Variants in RNF212B observed in about 807,000 individuals in gnomAD.
RNF212B encodes ring finger protein 212B.
In RNF212B, 52 loss-of-function variants were observed where a neutral mutation model predicts 55.5. That is an observed-to-expected ratio of 0.94 (90% CI 0.75 to 1.18). The LOEUF (loss-of-function observed/expected upper bound fraction) is 1.18. RNF212B is among the 50% of genes most tolerant of loss of function. The probability of loss-of-function intolerance (pLI) is 0.00; values close to 1 mark genes in which losing one functional copy is unlikely to be tolerated. For synonymous variants in RNF212B, 99 were observed against 121.4 expected (o/e 0.82, Z 1.21); for missense variants, 289 against 350.4 (o/e 0.82, Z 1.40).
At chr14:23,240,743 T>G (rs1566422132) in intron 2 of RNF212B, among the ~76,000 whole-genome samples, 1 of 152,138 alleles carries the variant, frequency 6.6e-6, no homozygotes, top group African/African-American at 2.4e-5. Flanking sequence ...GGAAAAGAGA[T>G]AGAATAAGTA....
At chr14:23,190,783 C>T (rs1487789444) in intron 1 of RNF212B, among the ~76,000 whole-genome samples, 1 of 152,224 alleles carries the variant, frequency 6.6e-6, no homozygotes, top group East Asian at 1.9e-4. Flanking sequence ...CCCTCCAACG[C>T]TGCCTGTCAC....
At chr14:23,220,909 T>TA (rs35172299) in intron 2 of RNF212B, among the ~76,000 whole-genome samples, 24,654 of 149,026 alleles carry the variant, frequency 0.17, 2,036 homozygotes, top group Non-Finnish European at 0.18. Context: ...TCACCTTCAC[T>TA]AAAAGGAAGA....
upstream of RNF212B, among the ~76,000 whole-genome samples, chr14:23,235,121 A>G (rs1883008457): frequency 6.6e-6 from 1 of 152,082 alleles, no homozygotes; most frequent in Non-Finnish European, 1.5e-5. Context: ...CTGAGGCAGG[A>G]GAATTGCTTG....
At chr14:23,187,326 C>T (rs1293228491) in intron 1 of RNF212B, among the ~76,000 whole-genome samples, 2 of 152,068 alleles carry the variant, frequency 1.3e-5, no homozygotes, top group South Asian at 2.1e-4. Context: ...ACAACCCCCA[C>T]GCAGTCATGT....
chr14:23,233,614 T>G (rs1032988329), upstream of RNF212B, among the ~76,000 whole-genome samples: 2 of 139,918 alleles, frequency 1.4e-5, no homozygotes, highest in African/African-American at 2.7e-5. Flanking sequence ...TGGTGGTGCA[T>G]GCTTGTAGTC....
intron 11 of RNF212B, among the ~76,000 whole-genome samples, chr14:23,265,161 A>G (rs558193303): frequency 6.6e-6 from 1 of 152,302 alleles, no homozygotes; most frequent in African/African-American, 2.4e-5. Flanking sequence ...CTTCCAACTA[A>G]TAAGGGGAAA....
chr14:23,256,679 T>C (rs1196491602), intron 4 of RNF212B, among the ~76,000 whole-genome samples: 2 of 152,058 alleles, frequency 1.3e-5, no homozygotes, highest in African/African-American at 2.4e-5. Flanking sequence ...GCCTCCTCTA[T>C]TCAAATTTTC....
chr14:23,197,770 T>C (rs1878864136), intron 2 of RNF212B, among the ~76,000 whole-genome samples: 1 of 134,284 alleles, frequency 7.4e-6, no homozygotes, highest in South Asian at 2.5e-4. Flanking sequence ...CCCTTCTATG[T>C]CTTGTCTTCT....
chr14:23,256,026 AGGTT>A (rs1311512177), intron 4 of RNF212B, among the ~76,000 whole-genome samples: 5 of 152,148 alleles, frequency 3.3e-5, no homozygotes, highest in Non-Finnish European at 7.3e-5. Flanking sequence ...TAGACAAAGT[AGGTT>A]TGCTTAGGCC....
intron 2 of RNF212B, among the ~76,000 whole-genome samples, chr14:23,220,132 C>T (rs1246685818): frequency 6.6e-6 from 1 of 151,888 alleles, no homozygotes; most frequent in Non-Finnish European, 1.5e-5. Context: ...TGCAGTGAGC[C>T]TGGATGGCAC....
At chr14:23,228,462 CAAAAAAAAAA>C (rs776673043) in intron 2 of RNF212B, among the ~76,000 whole-genome samples, 7 of 76,100 alleles carry the variant, frequency 9.2e-5, no homozygotes, top group African/African-American at 1.6e-4. Flanking sequence ...CTATCTCTAC[CAAAAAAAAAA>C]AAAAAAAAAA....
intron 2 of RNF212B, among the ~76,000 whole-genome samples, chr14:23,209,978 C>T (rs182063436): frequency 1.3e-5 from 2 of 152,234 alleles, no homozygotes; most frequent in Admixed American, 1.3e-4. Flanking sequence ...CATGATGAAA[C>T]CCTGTCTCTG....
At chr14:23,247,322 A>G (rs1759912006) in intron 4 of RNF212B, among the ~76,000 whole-genome samples, 1 of 152,166 alleles carries the variant, frequency 6.6e-6, no homozygotes, top group African/African-American at 2.4e-5. Flanking sequence ...ATACATCCAC[A>G]GAATTGTGCA....
chr14:23,270,552 GA>G, intron 13 of RNF212B, 47 bp from the exon 14 acceptor site: 1 of 1,394,008 alleles, frequency 7.2e-7, no homozygotes, highest in Non-Finnish European at 1.0e-6. Context: ...ACACTGCCGA[GA>G]AACTGCCCAA....
At chr14:23,234,297 CGT>C (rs368094093), upstream of RNF212B, among the ~76,000 whole-genome samples, 334 of 148,206 alleles carry the variant, frequency 2.3e-3, 1 homozygote, top group Admixed American at 6.8e-3. Context: ...CTTTACTTTT[CGT>C]GTGTGTGTGT....
At position 23,240,436 on chromosome 14, in the gene RNF212B, G is replaced by A. The variant is rs1883487977; in HGVS notation, c.91G>A (p.Val31Met). The change falls in exon 2 of 15, where the codon GTG becomes ATG. Residue 31 changes from valine (V) to methionine (M), a missense_variant. Physicochemically the swap from Val to Met is conservative, Grantham distance 21. Coordinates refer to ENST00000430154, the MANE Select transcript of RNF212B (RefSeq NM_001282322.3). ...TGGCCATATTTTCTGTAAAAAGTGT[G>A]TGACTCTGGGTGAGTGACTCAACTG... is the stretch of plus-strand genomic sequence containing the variant. ...SCGHIFCKKCVTLEKCAVCGT... is the reference protein window; with the variant it reads ...SCGHIFCKKCMTLEKCAVCGT... 6.5e-7 allele frequency: 1 copy of A among 1,546,442 alleles called. No homozygotes were observed. The highest frequency in any genetic ancestry group is 8.7e-7 in the Non-Finnish European group (1 of 1,143,390).
At chr14:23,227,787 C>A (rs1882165443) in intron 2 of RNF212B, among the ~76,000 whole-genome samples, 2 of 151,936 alleles carry the variant, frequency 1.3e-5, no homozygotes, top group Non-Finnish European at 2.9e-5. Flanking sequence ...TTTGTAGAGA[C>A]AGGATTTTAC....
chr14:23,237,193 G>T (rs1288484814), upstream of RNF212B, among the ~76,000 whole-genome samples: 1 of 151,126 alleles, frequency 6.6e-6, no homozygotes, highest in Non-Finnish European at 1.5e-5. Flanking sequence ...GCAGTGGCGC[G>T]ATCTCGGCTC....
chr14:23,272,277 G>A (rs773937688), intron 14 of RNF212B: 5 of 158,238 alleles, frequency 3.2e-5, no homozygotes, highest in Non-Finnish European at 5.6e-5. Context: ...AAAATTAGCC[G>A]GGCATGGTGG....
Sources: gnomAD v4.1 joint callset for allele counts (sites outside exome capture counted in the v4.1 genomes callset) on GRCh38, gnomAD v4.1.1 for gene constraint, MANE v1.5 for transcripts, NCBI Gene and HGNC (gene_info 2026-07-23, HGNC 2026-07-21) for gene names.